SGCZ: variants seen among roughly 807,000 people sequenced by gnomAD.
SGCZ encodes sarcoglycan zeta.
A neutral mutation model predicts 41.3 loss-of-function variants in SGCZ; 40 were observed. That is an observed-to-expected ratio of 0.97 (90% confidence interval 0.75 to 1.26). The LOEUF (loss-of-function observed/expected upper bound fraction) is 1.26. Among genes scored for constraint, SGCZ ranks in the 50% most tolerant of loss-of-function variants. The pLI, the probability that SGCZ is intolerant of heterozygous loss-of-function variation, is 0.00. For missense variants in SGCZ, 552 were observed against 369.8 expected (o/e 1.49, Z -4.04); for synonymous variants, 206 against 137.5 (o/e 1.50, Z -3.49).
rs1192032635 is a variant in SGCZ at position 14,330,455 on chromosome 8, G to C, written c.235-6251C>G. On this transcript the variant is annotated intron_variant, in intron 2 of 7. Coordinates refer to ENST00000382080, the MANE Select transcript of SGCZ (RefSeq NM_139167.4). ...TAATTTTCTTTTTTTTGACAAAGTAGAGGATTATTTGTTAAGAAATACTTA... is the reference window on the plus strand; with the variant it reads ...TAATTTTCTTTTTTTTGACAAAGTACAGGATTATTTGTTAAGAAATACTTA... Among the ~76,000 whole-genome samples, 7 of 152,108 alleles carry C rather than the reference G, an allele frequency of 4.6e-5. No homozygotes were observed. In the East Asian group the frequency reaches 1.4e-3, roughly 29 times the overall value.
chr8:15,090,099 A>C (rs1261764366), intron 1 of SGCZ, among the ~76,000 whole-genome samples: 1 of 152,210 alleles, frequency 6.6e-6, no homozygotes, highest in Admixed American at 6.5e-5. Context: ...TTACTGACAA[A>C]GTGCCTTAAA....
intron 1 of SGCZ, among the ~76,000 whole-genome samples, chr8:14,936,376 C>T (rs745594330): frequency 4.0e-5 from 6 of 151,766 alleles, no homozygotes; most frequent in African/African-American, 9.7e-5. Context: ...ACTTTGCTCA[C>T]GGTTAGGCAA....
At chr8:14,676,317 G>C (rs1808276279) in intron 1 of SGCZ, among the ~76,000 whole-genome samples, 1 of 140,058 alleles carries the variant, frequency 7.1e-6, no homozygotes, top group African/African-American at 2.5e-5. Context: ...ACAGCATAGA[G>C]AGATCCCACC....
chr8:14,589,529 G>A (rs559707384), intron 1 of SGCZ, among the ~76,000 whole-genome samples: 220 of 152,096 alleles, frequency 1.4e-3, no homozygotes, highest in African/African-American at 5.0e-3. Flanking sequence ...ACTGGTTCAG[G>A]CAGTCTTTCA....
intron 1 of SGCZ, among the ~76,000 whole-genome samples, chr8:14,975,895 C>CAT (rs1192617847): frequency 2.5e-5 from 3 of 118,840 alleles, no homozygotes; most frequent in South Asian, 2.7e-4. Flanking sequence ...CACACACACA[C>CAT]ATATATATAC....
chr8:14,671,748 C>T (rs1342830268), intron 1 of SGCZ, among the ~76,000 whole-genome samples: 1 of 152,050 alleles, frequency 6.6e-6, no homozygotes, highest in African/African-American at 2.4e-5. Context: ...GGAATAATAA[C>T]ATAAATAATT....
rs368540367 is a variant in SGCZ at position 14,719,009 on chromosome 8, C to A, written c.40-164083G>T. Among the ~76,000 whole-genome samples, 21 of 113,104 alleles carry A rather than the reference C, an allele frequency of 1.9e-4. 1 individual carries two copies. Among genetic ancestry groups the A allele is most frequent in the Admixed American group, 1.6e-3 (15 of 9,674 alleles). The allele number at this position is 113,104 out of a possible 152,430, so 74.2% of individuals were successfully genotyped here. A position where few individuals can be genotyped will look rare whatever the true frequency, so the allele number is the denominator to read the frequency against. On this transcript the variant is annotated intron_variant, in intron 1 of 7. Coordinates refer to ENST00000382080, the MANE Select transcript of SGCZ (RefSeq NM_139167.4). Reference sequence around the variant, plus strand: ...CCAAAGCTATCCCTCCCCCCTCCCCCCACCCCACAACAGTCCCCAGAGTGT... The same window carrying A: ...CCAAAGCTATCCCTCCCCCCTCCCCACACCCCACAACAGTCCCCAGAGTGT...
At chr8:14,997,765 G>A (rs902440850) in intron 1 of SGCZ, among the ~76,000 whole-genome samples, 1 of 152,150 alleles carries the variant, frequency 6.6e-6, no homozygotes, top group African/African-American at 2.4e-5. Flanking sequence ...TGAGAGACCA[G>A]CCTGGTCAAC....
intron 1 of SGCZ, among the ~76,000 whole-genome samples, chr8:14,810,931 C>T (rs58296507): frequency 0.11 from 17,310 of 151,920 alleles, 1,549 homozygotes; most frequent in African/African-American, 0.24. Flanking sequence ...CAATCCCCTT[C>T]ACTTGGAAAA....
intron 1 of SGCZ, among the ~76,000 whole-genome samples, chr8:14,591,179 T>A (rs1380921106): frequency 6.6e-6 from 1 of 151,814 alleles, no homozygotes; most frequent in Non-Finnish European, 1.5e-5. Context: ...GTTGAAAGGA[T>A]TACAATCATT....
At chr8:14,601,843 G>A (rs1265634136) in intron 1 of SGCZ, among the ~76,000 whole-genome samples, 2 of 152,086 alleles carry the variant, frequency 1.3e-5, no homozygotes, top group African/African-American at 4.8e-5. Flanking sequence ...ATGTGGTGCC[G>A]GGCGCGGTGG....
chr8:14,836,608 C>T (rs1337270995), intron 1 of SGCZ, among the ~76,000 whole-genome samples: 1 of 152,278 alleles, frequency 6.6e-6, no homozygotes, highest in Non-Finnish European at 1.5e-5. Flanking sequence ...AAGTGCTTCT[C>T]GTGCCTCAGC....
chr8:14,977,591 C>A (rs1801519133), intron 1 of SGCZ, among the ~76,000 whole-genome samples: 1 of 152,040 alleles, frequency 6.6e-6, no homozygotes, highest in Admixed American at 6.6e-5. Context: ...CTAGTAACAT[C>A]ATCATTTACA....
intron 1 of SGCZ, among the ~76,000 whole-genome samples, chr8:15,088,718 C>T (rs968466261): frequency 2.0e-5 from 3 of 152,092 alleles, no homozygotes; most frequent in African/African-American, 7.2e-5. Context: ...CTCTTTTATT[C>T]GTCTACCATG....
intron 1 of SGCZ, among the ~76,000 whole-genome samples, chr8:14,759,605 A>G (rs796176117): frequency 2.4e-4 from 37 of 152,278 alleles, no homozygotes; most frequent in African/African-American, 7.2e-4. Flanking sequence ...TAGAGAGTCT[A>G]TTACTGGACT....
chr8:14,426,395 T>C (rs906600942), intron 2 of SGCZ, among the ~76,000 whole-genome samples: 2 of 151,986 alleles, frequency 1.3e-5, no homozygotes, highest in African/African-American at 4.8e-5. Context: ...AGAAGGTAGT[T>C]ACTGATCTTC....
chr8:15,063,634 G>T (rs1028405290), intron 1 of SGCZ, among the ~76,000 whole-genome samples: 1 of 152,080 alleles, frequency 6.6e-6, no homozygotes, highest in Non-Finnish European at 1.5e-5. Context: ...ATTCTGAAAT[G>T]ACTTTGAATA....
intron 1 of SGCZ, among the ~76,000 whole-genome samples, chr8:14,800,033 C>T: frequency 6.6e-6 from 1 of 152,182 alleles, no homozygotes; most frequent in Non-Finnish European, 1.5e-5. Flanking sequence ...CACTGTTTTG[C>T]ACAGAGGTTA....
chr8:14,206,577 A>G (rs886808160), intron 4 of SGCZ, among the ~76,000 whole-genome samples: 8 of 152,172 alleles, frequency 5.3e-5, no homozygotes, highest in African/African-American at 1.9e-4. Context: ...GAGATTTGAA[A>G]GCAATGCCCT....
Sources: allele counts gnomAD v4.1 joint callset (sites outside exome capture counted in the v4.1 genomes callset), GRCh38; gene constraint gnomAD v4.1.1; transcripts MANE v1.5; gene names NCBI Gene and HGNC (gene_info 2026-07-23, HGNC 2026-07-21).